VPS8: variants seen among roughly 807,000 people sequenced by gnomAD.
The protein encoded by VPS8 is vacuolar protein sorting-associated protein 8 homolog.
VPS8 carries 129 observed loss-of-function variants against 216.4 expected under a neutral mutation model. The ratio of observed to expected loss-of-function variants is 0.60; its 90% confidence interval spans 0.52 to 0.69. The LOEUF (loss-of-function observed/expected upper bound fraction) is 0.69, where lower values mean the gene tolerates loss of function less well. Ranked by LOEUF, VPS8 falls within the 30% of genes least tolerant of loss-of-function variation. VPS8 has a pLI of 0.00. For missense variants in VPS8, 1,531 were observed against 1,683.5 expected (o/e 0.91, Z 1.59); for synonymous variants, 571 against 565.4 (o/e 1.01, Z -0.14).
At chr3:184,812,997 G>A (rs572695546) in intron 1 of VPS8, among the ~76,000 whole-genome samples, 4 of 152,296 alleles carry the variant, frequency 2.6e-5, no homozygotes, top group African/African-American at 9.6e-5. Context: ...GGCCTCTGAA[G>A]TTCGAGGCTA....
chr3:184,812,528 G>A (rs564171727), intron 1 of VPS8: 1 of 152,372 alleles, frequency 6.6e-6, no homozygotes, highest in South Asian at 2.1e-4. Context: ...TAAGTAAAAA[G>A]GGATTTATTG....
intron 1 of VPS8, among the ~76,000 whole-genome samples, chr3:184,823,854 T>G (rs560578602): frequency 2.6e-5 from 4 of 152,368 alleles, no homozygotes; most frequent in African/African-American, 9.6e-5. Flanking sequence ...TTTAGAGCTC[T>G]GAAATAATAA....
intron 36 of VPS8, among the ~76,000 whole-genome samples, chr3:184,952,309 C>T (rs1402932305): frequency 6.6e-6 from 1 of 152,162 alleles, no homozygotes. Flanking sequence ...TTTTTCCCCA[C>T]ACACCAATCA....
chr3:184,862,862 T>G, intron 15 of VPS8, 35 bp from the exon 16 acceptor site: 1 of 1,592,910 alleles, frequency 6.3e-7, no homozygotes, highest in Non-Finnish European at 8.6e-7. Flanking sequence ...GCGGGTGTGG[T>G]CTCACTTTTG....
intron 15 of VPS8, among the ~76,000 whole-genome samples, chr3:184,860,910 C>T (rs1726238871): frequency 6.6e-6 from 1 of 151,824 alleles, no homozygotes; most frequent in African/African-American, 2.4e-5. Context: ...CAAGCTCCGC[C>T]TCCCAGGTTC....
At chr3:184,826,271 C>T (rs780803115) in intron 3 of VPS8, 40 bp downstream of exon 3, 1 of 1,529,132 alleles carries the variant, frequency 6.5e-7, no homozygotes, top group South Asian at 1.2e-5. Context: ...TTGTGTGTGG[C>T]ATTCATCTTA....
At chr3:185,024,903 G>A (rs1757135397) in intron 46 of VPS8, among the ~76,000 whole-genome samples, 1 of 152,062 alleles carries the variant, frequency 6.6e-6, no homozygotes, top group African/African-American at 2.4e-5. Context: ...TCAGGAGGCT[G>A]AGGCAGGAGA....
At chr3:184,853,498 C>A (rs764333749) in intron 11 of VPS8, among the ~76,000 whole-genome samples, 2 of 152,122 alleles carry the variant, frequency 1.3e-5, no homozygotes, top group Non-Finnish European at 2.9e-5. Context: ...TTTGAGGTGG[C>A]CACAAACTTG....
chr3:184,848,409 G>A (rs961039390), intron 8 of VPS8, among the ~76,000 whole-genome samples: 6 of 151,962 alleles, frequency 3.9e-5, no homozygotes, highest in South Asian at 2.1e-4. Context: ...TGGTATTCCC[G>A]ATAACTTTGC....
chr3:184,971,772 G>C lies in VPS8; in HGVS notation c.3420+20G>C. 6.2e-7 allele frequency: 1 copy of C among 1,604,478 alleles called. No individual in the cohort carries two copies. Among genetic ancestry groups the C allele is most frequent in the South Asian group, 1.1e-5 (1 of 90,032 alleles). Reference sequence around the variant, plus strand: ...CGTGAGGTAGGAGAATGACTGTTTAGGTATTTAAAAGCCTGTACTTGGCCA... The same window carrying C: ...CGTGAGGTAGGAGAATGACTGTTTACGTATTTAAAAGCCTGTACTTGGCCA... On this transcript the variant is annotated intron_variant, in intron 40 of 47. Coordinates refer to ENST00000625842, the MANE Select transcript of VPS8 (RefSeq NM_001009921.3).
chr3:184,968,410 T>TG lies in VPS8; in HGVS notation c.3316+1698dup, dbSNP rs1288762812. Among the ~76,000 whole-genome samples the TG allele has an allele frequency of 5.3e-5, 8 of 152,336 alleles. No homozygotes were observed. In the Middle Eastern group the frequency reaches 0.01, roughly 194 times the overall value. Reference sequence around the variant, plus strand: ...TTGGGTATATAACCACAAGTGGGATTGCTGGATCAAGCATTAATTCTGTTA... The same window carrying TG: ...TTGGGTATATAACCACAAGTGGGATTGGCTGGATCAAGCATTAATTCTGTTA... On this transcript the variant is annotated intron_variant, in intron 39 of 47. Transcript: ENST00000625842.
intron 36 of VPS8, among the ~76,000 whole-genome samples, chr3:184,946,183 A>G (rs1345231224): frequency 6.6e-6 from 1 of 152,236 alleles, no homozygotes; most frequent in Non-Finnish European, 1.5e-5. Context: ...GCTGGCTGCC[A>G]TTTAGCTACA....
At chr3:184,865,935 C>T (rs572440721) in intron 16 of VPS8, among the ~76,000 whole-genome samples, 1 of 151,692 alleles carries the variant, frequency 6.6e-6, no homozygotes, top group South Asian at 2.1e-4. Context: ...TTGCAGTGAG[C>T]CGAGATGGTG....
At chr3:185,009,542 A>G (rs983577605) in intron 45 of VPS8, among the ~76,000 whole-genome samples, 2 of 152,086 alleles carry the variant, frequency 1.3e-5, no homozygotes, top group African/African-American at 4.8e-5. Flanking sequence ...AGAATTCAGA[A>G]TTTTTTGGAT....
At chr3:184,841,765 T>G (rs1201096041) in intron 7 of VPS8, among the ~76,000 whole-genome samples, 3 of 152,110 alleles carry the variant, frequency 2.0e-5, no homozygotes, top group Non-Finnish European at 2.9e-5. Context: ...TTTAGTTCAG[T>G]CCCCTTATTT....
intron 5 of VPS8, among the ~76,000 whole-genome samples, chr3:184,836,670 C>T (rs1721151125): frequency 6.6e-6 from 1 of 152,134 alleles, no homozygotes; most frequent in African/African-American, 2.4e-5. Flanking sequence ...TGCATGCTTT[C>T]CTGTGATGGT....
chr3:184,837,453 C>T (rs1422681578), intron 5 of VPS8, among the ~76,000 whole-genome samples: 2 of 152,174 alleles, frequency 1.3e-5, no homozygotes, highest in African/African-American at 4.8e-5. Flanking sequence ...ATTTCTCTTT[C>T]CCTGTCTAGA....
intron 14 of VPS8, among the ~76,000 whole-genome samples, chr3:184,856,996 A>C (rs1725381788): frequency 6.6e-6 from 1 of 152,214 alleles, no homozygotes; most frequent in Non-Finnish European, 1.5e-5. Context: ...TATTGGGATT[A>C]CAAGTGTGAG....
intron 45 of VPS8, among the ~76,000 whole-genome samples, chr3:185,010,957 C>G (rs1754930823): frequency 6.6e-6 from 1 of 151,984 alleles, no homozygotes; most frequent in Non-Finnish European, 1.5e-5. Flanking sequence ...TGTGATTGTT[C>G]CATGGGACTC....
Sources: allele counts gnomAD v4.1 joint callset (sites outside exome capture counted in the v4.1 genomes callset), GRCh38; gene constraint gnomAD v4.1.1; transcripts MANE v1.5; gene names NCBI Gene and HGNC (gene_info 2026-07-23, HGNC 2026-07-21).